Variants in TPP2 observed in about 807,000 individuals in gnomAD.
TPP2 encodes the protein tripeptidyl peptidase 2.
Under a neutral mutation model 155.9 loss-of-function variants are expected in TPP2, and 34 were observed. That is an observed-to-expected ratio of 0.22 (90% CI 0.17 to 0.29). The LOEUF is 0.29. Ranked by LOEUF, TPP2 falls within the 10% of genes least tolerant of loss-of-function variation. TPP2 has a pLI of 1.00. For synonymous variants in TPP2, 510 were observed against 529.4 expected (o/e 0.96, Z 0.50); for missense variants, 1,028 against 1,522.3 (o/e 0.68, Z 5.40).
intron 25 of TPP2, among the ~76,000 whole-genome samples, chr13:102,658,553 A>G (rs1284202495): frequency 2.0e-5 from 3 of 152,230 alleles, no homozygotes; most frequent in African/African-American, 7.2e-5. Context: ...ATTTAAAAAC[A>G]AAACAAAACA....
chr13:102,605,359 A>T (rs1879741323), intron 2 of TPP2, among the ~76,000 whole-genome samples: 1 of 152,178 alleles, frequency 6.6e-6, no homozygotes, highest in Non-Finnish European at 1.5e-5. Flanking sequence ...TATAAAAGTG[A>T]CCTTCTAAGG....
intron 24 of TPP2, 64 bp from the exon 25 acceptor site, chr13:102,656,992 A>T: frequency 6.7e-7 from 1 of 1,501,002 alleles, no homozygotes; most frequent in Non-Finnish European, 9.0e-7. Context: ...GTAGCTGTTG[A>T]AGATGATTTT....
chr13:102,640,541 A>G (rs1882685127), intron 16 of TPP2, among the ~76,000 whole-genome samples, 165 bp downstream of exon 16: 1 of 152,012 alleles, frequency 6.6e-6, no homozygotes, highest in African/African-American at 2.4e-5. Context: ...AAGATCTAGT[A>G]CAATTTTGCA....
Position 102,627,107 on chromosome 13 carries a change from A to G in TPP2, c.880A>G (p.Ile294Val), listed in dbSNP as rs1156943458. 27 of 1,601,756 alleles carry G rather than the reference A, an allele frequency of 1.7e-5. No individual in the cohort carries two copies. The highest frequency in any genetic ancestry group is 2.2e-5 in the Non-Finnish European group (26 of 1,174,184). The part of the protein sequence containing the change: ...GVAPGAQILS[I>V]KIGDTRLSTM... Reference sequence around the variant, plus strand: ...AGCTCCTGGTGCTCAAATTCTTTCCATCAAGATTGGTGATACAAGACTAAG... The same window carrying G: ...AGCTCCTGGTGCTCAAATTCTTTCCGTCAAGATTGGTGATACAAGACTAAG... The change falls in exon 7 of 30, where the codon ATC becomes GTC. Residue 294 changes from isoleucine to valine, a missense_variant. Ile to Val is a conservative substitution (Grantham distance 29, BLOSUM62 3). Transcript: ENST00000376052.
intron 2 of TPP2, among the ~76,000 whole-genome samples, chr13:102,613,286 A>T (rs2139435745): frequency 6.6e-6 from 1 of 152,306 alleles, no homozygotes; most frequent in Admixed American, 6.5e-5. Flanking sequence ...CTGCCTGGGA[A>T]GTAATTGGAT....
intron 5 of TPP2, among the ~76,000 whole-genome samples, chr13:102,619,814 G>C (rs554415982): frequency 6.6e-6 from 1 of 152,154 alleles, no homozygotes; most frequent in Non-Finnish European, 1.5e-5. Context: ...TTTGTTGTGT[G>C]CATATGCATA....
chr13:102,649,348 C>T, intron 22 of TPP2, 60 bp from the exon 23 acceptor site: 1 of 1,547,216 alleles, frequency 6.5e-7, no homozygotes, highest in Non-Finnish European at 8.8e-7. Context: ...TTTCCCCTTA[C>T]TTGTCTTTGT....
chr13:102,612,937 G>T (rs955689324), intron 2 of TPP2, among the ~76,000 whole-genome samples: 2 of 152,232 alleles, frequency 1.3e-5, no homozygotes, highest in Admixed American at 1.3e-4. Flanking sequence ...CTAGCCACCT[G>T]TGTAGTGGGA....
chr13:102,624,389 A>G (rs910263294), intron 6 of TPP2, among the ~76,000 whole-genome samples: 3 of 152,182 alleles, frequency 2.0e-5, no homozygotes, highest in African/African-American at 7.2e-5. Context: ...TCACATACAT[A>G]CATATACATA....
chr13:102,630,664 CT>C (rs1664706890), intron 10 of TPP2, among the ~76,000 whole-genome samples: 1 of 152,172 alleles, frequency 6.6e-6, no homozygotes, highest in Admixed American at 6.5e-5. Flanking sequence ...TAAACAAGTT[CT>C]GACTGAGAAA....
At chr13:102,601,571 C>G (rs1301817173) in intron 1 of TPP2, among the ~76,000 whole-genome samples, 2 of 152,152 alleles carry the variant, frequency 1.3e-5, no homozygotes, top group African/African-American at 4.8e-5. Context: ...TCCCAGTCTC[C>G]CACCCCAGGA....
rs763104500 is a variant in TPP2 at position 102,614,094 on chromosome 13, T to C, written c.295-7T>C. On this transcript the variant is annotated splice_region_variant and splice_polypyrimidine_tract_variant and intron_variant, in intron 2 of 29. Coordinates refer to ENST00000376052, the MANE Select transcript of TPP2 (RefSeq NM_001330588.2). ...GAATGAACAGGTTACTCTTTTTTTTTCTGTAGATTCCTGCAAGCTGGACAA... is the reference window on the plus strand; with the variant it reads ...GAATGAACAGGTTACTCTTTTTTTTCCTGTAGATTCCTGCAAGCTGGACAA... The C allele has an allele frequency of 2.0e-5, 32 of 1,611,354 alleles. No individual in the cohort carries two copies. Among genetic ancestry groups the C allele is most frequent in the Admixed American group, 3.4e-5 (2 of 59,492 alleles).
chr13:102,661,250 C>CTTTTT (rs35157211), intron 25 of TPP2, among the ~76,000 whole-genome samples: 2 of 124,132 alleles, frequency 1.6e-5, no homozygotes, highest in Admixed American at 8.3e-5. Context: ...GAACGCTAAC[C>CTTTTT]TTTTTTTTTT....
rs878898744 is a variant in TPP2, at chr13:102,640,200, C to G, written c.1914-70C>G. 7.7e-6 allele frequency: 9 copies of G among 1,161,304 alleles called. No individual in the cohort carries two copies. In the South Asian group the frequency reaches 1.5e-4, roughly 19 times the overall value. 71.9% of individuals were successfully genotyped at this position (1,161,304 alleles called of 1,614,324 possible). A position where few individuals can be genotyped will look rare whatever the true frequency, so the allele number is the denominator to read the frequency against. ...CAATGAATTGTTATTTTGCGTTTATCCAATGAAATCTAGAGTATCTGTGGT... is the reference window on the plus strand; with the variant it reads ...CAATGAATTGTTATTTTGCGTTTATGCAATGAAATCTAGAGTATCTGTGGT... On this transcript the variant is annotated intron_variant, in intron 15 of 29. Transcript: ENST00000376052.
intron 6 of TPP2, chr13:102,626,750 G>A (rs1595158750): frequency 4.0e-6 from 1 of 251,076 alleles, no homozygotes; most frequent in Non-Finnish European, 7.5e-6. Context: ...TTTATAAAAT[G>A]CTTTTTCAAA....
At chr13:102,623,111 A>C in intron 6 of TPP2, 71 bp downstream of exon 6, 22 of 1,473,244 alleles carry the variant, frequency 1.5e-5, no homozygotes, top group African/African-American at 2.8e-5. Flanking sequence ...GCGATAGCTC[A>C]CAGCAACCTT....
At chr13:102,638,187 T>C (rs1446052176) in intron 14 of TPP2, 52 bp from the exon 15 acceptor site, 1 of 1,536,044 alleles carries the variant, frequency 6.5e-7, no homozygotes, top group Non-Finnish European at 9.0e-7. Flanking sequence ...CTTCCCCCGC[T>C]CTTTTAAACA....
intron 15 of TPP2, among the ~76,000 whole-genome samples, chr13:102,639,780 C>G (rs1882633767): frequency 6.6e-6 from 1 of 152,110 alleles, no homozygotes; most frequent in Admixed American, 6.5e-5. Flanking sequence ...TCATTGATTT[C>G]TTACAAAAGT....
intron 24 of TPP2, among the ~76,000 whole-genome samples, chr13:102,652,423 T>C (rs1467832099): frequency 1.4e-4 from 2 of 14,254 alleles, no homozygotes; most frequent in African/African-American, 9.7e-4. Flanking sequence ...TATATATATA[T>C]ATATATATAT....
Sources: allele counts gnomAD v4.1 joint callset (sites outside exome capture counted in the v4.1 genomes callset), GRCh38; gene constraint gnomAD v4.1.1; transcripts MANE v1.5; gene names NCBI Gene and HGNC (gene_info 2026-07-23, HGNC 2026-07-21).